The following KANK1 variants were observed in gnomAD, a reference collection of about 807,000 sequenced individuals.
KANK1 encodes KN motif and ankyrin repeat domain-containing protein 1.
A neutral mutation model predicts 106.2 loss-of-function variants in KANK1; 109 were observed. The ratio of observed to expected loss-of-function variants is 1.03; its 90% CI spans 0.88 to 1.20. The LOEUF is 1.20. Among genes scored for constraint, KANK1 ranks in the 50% most tolerant of loss-of-function variants. The pLI, the probability that KANK1 is intolerant of heterozygous loss-of-function variation, is 0.00. For missense variants in KANK1, 2,399 were observed against 1,710.7 expected, an observed-to-expected ratio of 1.40 and a Z score of -7.10; for synonymous variants, 873 against 652.2, an observed-to-expected ratio of 1.34 and a Z score of -5.16.
At chr9:517,658 C>T (rs2059346421) in intron 1 of KANK1, among the ~76,000 whole-genome samples, 1 of 150,558 alleles carries the variant, frequency 6.6e-6, no homozygotes, top group South Asian at 2.1e-4. Flanking sequence ...TGTCTGGGCT[C>T]AATTCTGCCT....
intron 1 of KANK1, among the ~76,000 whole-genome samples, chr9:562,517 G>A (rs906555459): frequency 6.6e-6 from 1 of 152,136 alleles, no homozygotes; most frequent in Non-Finnish European, 1.5e-5. Flanking sequence ...GCAGTGAGAT[G>A]GTGTAGTGCA....
At chr9:729,091 C>T (rs1469755977) in intron 3 of KANK1, among the ~76,000 whole-genome samples, 2 of 152,214 alleles carry the variant, frequency 1.3e-5, no homozygotes, top group African/African-American at 2.4e-5. Flanking sequence ...TGACTCTTTT[C>T]ATTGACATAT....
In KANK1 at chr9:712,641, G is replaced by T. The variant is rs755480634; in HGVS notation, c.1875G>T (p.Val625=). Residue 625 remains valine (V), a synonymous_variant, in exon 3 of 12, where the codon GTG becomes GTT. Coordinates refer to ENST00000382297, the MANE Select transcript of KANK1 (RefSeq NM_015158.5). ...LLKTNLNLKE[V]RSIGCGDCSV... ...AGACAAACTTGAATCTCAAAGAAGTGCGGTCTATCGGTTGTGGAGATTGTT... is the reference window on the plus strand; with the variant it reads ...AGACAAACTTGAATCTCAAAGAAGTTCGGTCTATCGGTTGTGGAGATTGTT... The T allele has an allele frequency of 6.2e-7, 1 of 1,614,180 alleles. No homozygotes were observed. The highest frequency in any genetic ancestry group is 1.1e-5 in the South Asian group (1 of 91,082).
chr9:703,552 C>T (rs950094641), intron 2 of KANK1, among the ~76,000 whole-genome samples: 3 of 152,086 alleles, frequency 2.0e-5, no homozygotes, highest in Admixed American at 6.5e-5. Flanking sequence ...AGGGACAGCC[C>T]TCCAATTCCA....
rs1820667960 is a variant in KANK1 at position 576,761 on chromosome 9, T to C, written c.-84+72007T>C. Among the ~76,000 whole-genome samples the C allele has an allele frequency of 2.4e-5, 3 of 125,352 alleles. No individual in the cohort carries two copies. The South Asian group carries it at 6.9e-4, about 29-fold the overall frequency. The allele number at this position is 125,352 out of a possible 152,430, so 82.2% of individuals were successfully genotyped here. A position where few individuals can be genotyped will look rare whatever the true frequency, so the allele number is the denominator to read the frequency against. ...TGGGAGAGGAAGAGGAGGGACCTTG[T>C]TTTTTTTTTGCAAACCATGACATTC... On this transcript the variant is annotated intron_variant, in intron 1 of 11. Transcript: ENST00000382297.
chr9:525,502 C>T (rs1305219452), intron 1 of KANK1, among the ~76,000 whole-genome samples: 4 of 151,308 alleles, frequency 2.6e-5, no homozygotes, highest in Admixed American at 6.6e-5. Context: ...GCCTCAGCCT[C>T]CTGAGTAGCT....
chr9:738,555 G>A (rs1218976705), intron 8 of KANK1, 51 bp downstream of exon 8: 3 of 1,448,724 alleles, frequency 2.1e-6, no homozygotes, highest in Non-Finnish European at 2.9e-6. Flanking sequence ...CTTGGGTTGT[G>A]ACTCATCTCA....
intron 1 of KANK1, among the ~76,000 whole-genome samples, chr9:515,998 A>G (rs1374620256): frequency 6.6e-6 from 1 of 151,750 alleles, no homozygotes; most frequent in African/African-American, 2.4e-5. Context: ...TAAGACCTGT[A>G]TGCCTCTTTA....
At chr9:694,514 C>G (rs1393485166) in intron 2 of KANK1, among the ~76,000 whole-genome samples, 1 of 152,146 alleles carries the variant, frequency 6.6e-6, no homozygotes, top group African/African-American at 2.4e-5. Context: ...CACTTAGGAG[C>G]CCATGGCATT....
intron 1 of KANK1, among the ~76,000 whole-genome samples, chr9:595,080 A>G (rs1477896104): frequency 1.3e-5 from 2 of 151,934 alleles, no homozygotes; most frequent in East Asian, 3.8e-4. Flanking sequence ...TTTTGTCCTA[A>G]TAATCACATT....
At chr9:614,528 G>C (rs930726533) in intron 1 of KANK1, among the ~76,000 whole-genome samples, 2 of 152,156 alleles carry the variant, frequency 1.3e-5, no homozygotes, top group African/African-American at 2.4e-5. Flanking sequence ...TCTCTTAACA[G>C]TTGTGCTGCT....
intron 1 of KANK1, among the ~76,000 whole-genome samples, chr9:595,409 A>C (rs1825964828): frequency 6.6e-6 from 1 of 151,956 alleles, no homozygotes; most frequent in Non-Finnish European, 1.5e-5. Flanking sequence ...GGAGCACTTC[A>C]GCTCCAAACT....
At position 711,178 on chromosome 9, in the gene KANK1, C is replaced by T. The variant is rs751694838; in HGVS notation, c.412C>T (p.Arg138Ter). 3.1e-6 allele frequency: 5 copies of T among 1,614,040 alleles called. No individual in the cohort carries two copies. The highest frequency in any genetic ancestry group is 4.5e-5 in the East Asian group (2 of 44,898). The part of the protein sequence containing the change: ...SLPFLTIPEN[R>*]QLPPPSPQLP... ...CCCTTTTCTTACCATCCCAGAAAATCGACAGCTGCCACCTCCCTCACCACA... is the reference window on the plus strand; with the variant it reads ...CCCTTTTCTTACCATCCCAGAAAATTGACAGCTGCCACCTCCCTCACCACA... The change falls in exon 3 of 12, where the codon CGA becomes TGA. Residue 138 changes from arginine (R) to a stop codon, truncating the protein, a stop_gained. Transcript: ENST00000382297. LOFTEE classifies it high-confidence loss of function.
chr9:534,427 T>G (rs1429141535), intron 1 of KANK1, among the ~76,000 whole-genome samples: 2 of 152,216 alleles, frequency 1.3e-5, no homozygotes, highest in Non-Finnish European at 2.9e-5. Flanking sequence ...AGATGTGATA[T>G]CTTTTCAGCA....
chr9:611,838 C>G (rs10815342), intron 1 of KANK1, among the ~76,000 whole-genome samples: 56,183 of 152,010 alleles, frequency 0.37, 12,685 homozygotes, highest in South Asian at 0.57. Context: ...CCTGCCTCAG[C>G]CTCCTGAGTA....
intron 1 of KANK1, among the ~76,000 whole-genome samples, chr9:625,488 C>G (rs1021846073): frequency 6.6e-6 from 1 of 151,888 alleles, no homozygotes; most frequent in Admixed American, 6.6e-5. Flanking sequence ...TTTCTTTTCT[C>G]TTAATCTACA....
In KANK1 at chr9:509,936, G is replaced by A. The variant is rs2058954298; in HGVS notation, c.-84+5182G>A. On this transcript the variant is annotated intron_variant, in intron 1 of 11. Coordinates refer to ENST00000382297, the MANE Select transcript of KANK1 (RefSeq NM_015158.5). The stretch of plus-strand genomic sequence containing the variant: ...CTCAGCCTGCCTCCCGAGTAGCTGG[G>A]ACTACAGGCATGTGCCACTGCACTC... Among the ~76,000 whole-genome samples the A allele has an allele frequency of 2.0e-5, 3 of 151,990 alleles. No homozygotes were observed. The East Asian group carries it at 5.8e-4, about 29-fold the overall frequency.
intron 3 of KANK1, among the ~76,000 whole-genome samples, chr9:496,324 C>T (rs574411655): frequency 6.6e-5 from 10 of 152,258 alleles, no homozygotes; most frequent in Admixed American, 2.6e-4. Flanking sequence ...GAGGCCGAGG[C>T]GAGCGGATCA....
At chr9:696,146 T>C (rs62531216) in intron 2 of KANK1, among the ~76,000 whole-genome samples, 27,423 of 151,828 alleles carry the variant, frequency 0.18, 2,821 homozygotes, top group Non-Finnish European at 0.22. Context: ...TAGCCGGGCG[T>C]GGTGGCGGGC....
Sources: gnomAD v4.1 joint callset for allele counts (sites outside exome capture counted in the v4.1 genomes callset) on GRCh38, gnomAD v4.1.1 for gene constraint, MANE v1.5 for transcripts, NCBI Gene and HGNC (gene_info 2026-07-23, HGNC 2026-07-21) for gene names.